ARFGEF1: variants seen among roughly 807,000 people sequenced by gnomAD.
ARFGEF1 encodes ARF guanine nucleotide exchange factor 1.
Under a neutral mutation model 231.0 loss-of-function variants are expected in ARFGEF1, and 42 were observed. The observed-to-expected ratio is 0.18, with a 90% CI of 0.14 to 0.24. ARFGEF1 has a LOEUF of 0.24. Ranked by LOEUF, ARFGEF1 falls within the 10% of genes least tolerant of loss-of-function variation. The pLI is 1.00. For synonymous variants in ARFGEF1, 710 were observed against 732.3 expected, an observed-to-expected ratio of 0.97 and a Z score of 0.49; for missense variants, 1,345 against 2,192.0, an observed-to-expected ratio of 0.61 and a Z score of 7.72.
intron 1 of ARFGEF1, among the ~76,000 whole-genome samples, chr8:67,305,299 AATCAACTT>A (rs1806686896): frequency 6.6e-6 from 1 of 152,240 alleles, no homozygotes; most frequent in Non-Finnish European, 1.5e-5. Context: ...GAACATCTGC[AATCAACTT>A]GATAGGGAAA....
intron 8 of ARFGEF1, among the ~76,000 whole-genome samples, chr8:67,276,395 AT>A (rs1805315506): frequency 6.6e-6 from 1 of 152,160 alleles, no homozygotes; most frequent in Admixed American, 6.5e-5. Flanking sequence ...AAAAACTGAT[AT>A]ATCATGCCTG....
chr8:67,316,863 T>C (rs980765529), intron 1 of ARFGEF1, among the ~76,000 whole-genome samples: 1 of 152,182 alleles, frequency 6.6e-6, no homozygotes, highest in African/African-American at 2.4e-5. Flanking sequence ...TTATTATTCA[T>C]GATGAACCCC....
chr8:67,300,373 AAATAT>A (rs1397358235), intron 3 of ARFGEF1, among the ~76,000 whole-genome samples: 3 of 152,248 alleles, frequency 2.0e-5, no homozygotes, highest in African/African-American at 7.2e-5. Flanking sequence ...CTTGTCTTAC[AAATAT>A]AATATCTATG....
chr8:67,264,326 GT>G (rs747361627), intron 14 of ARFGEF1, among the ~76,000 whole-genome samples: 58 of 152,212 alleles, frequency 3.8e-4, no homozygotes, highest in Admixed American at 6.5e-4. Flanking sequence ...ATATTAGGAA[GT>G]ATAATCAACA....
intron 1 of ARFGEF1, among the ~76,000 whole-genome samples, chr8:67,316,130 G>C (rs564483100): frequency 2.0e-4 from 30 of 152,176 alleles, no homozygotes; most frequent in African/African-American, 6.7e-4. Context: ...CATTAAGAGG[G>C]ACTAGGTGCA....
chr8:67,256,253 A>G (rs1840449964), intron 17 of ARFGEF1, among the ~76,000 whole-genome samples: 2 of 152,228 alleles, frequency 1.3e-5, no homozygotes, highest in African/African-American at 4.8e-5. Flanking sequence ...TACTGCCAAA[A>G]ATATGCCAGA....
At chr8:67,275,336 T>C (rs1805268945) in intron 9 of ARFGEF1, among the ~76,000 whole-genome samples, 2 of 152,060 alleles carry the variant, frequency 1.3e-5, no homozygotes, top group Non-Finnish European at 2.9e-5. Flanking sequence ...TGACCATTTA[T>C]GACTTACAAA....
intron 17 of ARFGEF1, among the ~76,000 whole-genome samples, chr8:67,257,489 G>A: frequency 6.6e-6 from 1 of 152,116 alleles, no homozygotes; most frequent in Non-Finnish European, 1.5e-5. Flanking sequence ...TTTATCTTAA[G>A]CTTTATACAG....
chr8:67,226,686 T>C (rs1313935820), intron 27 of ARFGEF1, among the ~76,000 whole-genome samples: 1 of 152,072 alleles, frequency 6.6e-6, no homozygotes, highest in Non-Finnish European at 1.5e-5. Context: ...ATAATCTTAG[T>C]ATTTCAGTCA....
intron 1 of ARFGEF1, among the ~76,000 whole-genome samples, chr8:67,319,274 TAAA>T (rs1489650597): frequency 5.3e-5 from 8 of 152,036 alleles, no homozygotes; most frequent in Non-Finnish European, 1.2e-4. Context: ...ACAATTCTAA[TAAA>T]GAAGAATAAC....
In ARFGEF1 at chr8:67,266,956, T is replaced by A. The variant is rs1402489937; in HGVS notation, c.1841A>T (p.Glu614Val). 6.2e-7 allele frequency: 1 copy of A among 1,613,618 alleles called. No individual in the cohort carries two copies. Among genetic ancestry groups the A allele is most frequent in the South Asian group, 1.1e-5 (1 of 91,066 alleles). The change falls in exon 13 of 39, where the codon GAA becomes GTA. Residue 614 changes from glutamate to valine, a missense_variant. Physicochemically the swap from Glu to Val is moderately radical, Grantham distance 121. This residue lies in a region of ARFGEF1 where 141 missense variants were observed against 259.9 expected (regional missense o/e 0.54). Coordinates refer to ENST00000262215, the MANE Select transcript of ARFGEF1 (RefSeq NM_006421.5). ...ACACTTCAAAATCGACACTAAGCAT[T>A]CTAAACCTTTTTTCCTCAGGCTCAA... ...QELSLRKKGL[E>V]CLVSILKCMV...
intron 34 of ARFGEF1, among the ~76,000 whole-genome samples, chr8:67,208,944 AAAG>A (rs557416116): frequency 1.8e-3 from 273 of 152,320 alleles, no homozygotes; most frequent in African/African-American, 6.2e-3. Flanking sequence ...CAACAACAAA[AAAG>A]GCGCTGGCAA....
At chr8:67,332,754 G>A in intron 1 of ARFGEF1, among the ~76,000 whole-genome samples, 1 of 151,982 alleles carries the variant, frequency 6.6e-6, no homozygotes, top group Non-Finnish European at 1.5e-5. Context: ...GTGATTAAAG[G>A]TGCAGCACAG....
intron 19 of ARFGEF1, among the ~76,000 whole-genome samples, chr8:67,244,792 T>C (rs1246567756): frequency 1.3e-5 from 2 of 150,282 alleles, no homozygotes; most frequent in African/African-American, 2.5e-5. Context: ...GAGAAAGAGA[T>C]AGAGGTAGAA....
chr8:67,214,811 G>C (rs1838869972), intron 33 of ARFGEF1, among the ~76,000 whole-genome samples: 4 of 152,214 alleles, frequency 2.6e-5, no homozygotes. Context: ...GAAACAATAA[G>C]AGGAAGGGAG....
chr8:67,200,606 AT>A, intron 37 of ARFGEF1, 93 bp from the exon 38 acceptor site: 1 of 758,818 alleles, frequency 1.3e-6, no homozygotes, highest in Non-Finnish European at 2.2e-6. Flanking sequence ...AGTAGTGAAT[AT>A]GAACTATTCA....
intron 9 of ARFGEF1, among the ~76,000 whole-genome samples, chr8:67,275,691 T>TA (rs1805284162): frequency 6.6e-6 from 1 of 152,136 alleles, no homozygotes; most frequent in Admixed American, 6.6e-5. Context: ...TCATACCCTT[T>TA]AGGAAATAGC....
At chr8:67,222,947 C>T (rs916305735) in intron 29 of ARFGEF1, among the ~76,000 whole-genome samples, 3 of 152,350 alleles carry the variant, frequency 2.0e-5, no homozygotes, top group Admixed American at 6.5e-5. Flanking sequence ...AGTACAGTAA[C>T]ATGCTGTGCA....
At chr8:67,326,390 G>A (rs755124000) in intron 1 of ARFGEF1, among the ~76,000 whole-genome samples, 7 of 152,104 alleles carry the variant, frequency 4.6e-5, no homozygotes, top group Non-Finnish European at 8.8e-5. Flanking sequence ...GGTTAACACC[G>A]GGCTTTCTAC....
Sources: allele counts gnomAD v4.1 joint callset (sites outside exome capture counted in the v4.1 genomes callset), GRCh38; gene constraint gnomAD v4.1.1; regional missense constraint gnomAD v4.1.1; transcripts MANE v1.5; gene names NCBI Gene and HGNC (gene_info 2026-07-23, HGNC 2026-07-21).